GALNT1: variants seen among roughly 807,000 people sequenced by gnomAD.
The protein encoded by GALNT1 is GalNAc transferase 1.
Under a neutral mutation model 65.7 loss-of-function variants are expected in GALNT1, and 17 were observed. That is an observed-to-expected ratio of 0.26 (90% CI 0.18 to 0.39). The LOEUF (loss-of-function observed/expected upper bound fraction) is 0.39. Among genes scored for constraint, GALNT1 ranks in the 10% least tolerant of loss-of-function variants. The pLI is 1.00. For missense variants in GALNT1, 460 were observed against 672.8 expected (o/e 0.68, Z 3.50); for synonymous variants, 210 against 219.7 (o/e 0.96, Z 0.39).
intron 1 of GALNT1, among the ~76,000 whole-genome samples, chr18:35,585,452 T>C (rs542224858): frequency 7.2e-4 from 110 of 152,342 alleles, no homozygotes; most frequent in Middle Eastern, 3.4e-3. Context: ...ACAGTTTACA[T>C]TTATATCTGT....
intron 6 of GALNT1, among the ~76,000 whole-genome samples, chr18:35,688,060 T>C (rs774023121): frequency 6.6e-6 from 1 of 152,096 alleles, no homozygotes; most frequent in Non-Finnish European, 1.5e-5. Flanking sequence ...ACTATCTAAA[T>C]CAGGGGTTCC....
At chr18:35,628,552 C>A (rs958792776) in intron 1 of GALNT1, among the ~76,000 whole-genome samples, 68 of 152,278 alleles carry the variant, frequency 4.5e-4, no homozygotes, top group African/African-American at 1.5e-3. Context: ...ACAACCACAC[C>A]AGAACCCCAT....
intron 11 of GALNT1, among the ~76,000 whole-genome samples, chr18:35,707,018 A>G (rs1598814635): frequency 6.6e-6 from 1 of 152,192 alleles, no homozygotes; most frequent in African/African-American, 2.4e-5. Flanking sequence ...GAGCAGCCAG[A>G]TAGTATGACT....
intron 4 of GALNT1, among the ~76,000 whole-genome samples, chr18:35,678,018 AT>A (rs1286600703): frequency 6.6e-6 from 1 of 152,114 alleles, no homozygotes; most frequent in Non-Finnish European, 1.5e-5. Flanking sequence ...AACATAAACT[AT>A]TATGCAGGAC....
chr18:35,696,907 A>G (rs925386760), intron 9 of GALNT1, among the ~76,000 whole-genome samples: 6 of 152,254 alleles, frequency 3.9e-5, no homozygotes, highest in African/African-American at 1.4e-4. Context: ...TGGTTTAACA[A>G]AGCTCTTACA....
intron 4 of GALNT1, among the ~76,000 whole-genome samples, chr18:35,682,977 C>T (rs2144605880): frequency 6.8e-6 from 1 of 147,612 alleles, no homozygotes; most frequent in South Asian, 2.1e-4. Flanking sequence ...GTTTGTGCTT[C>T]TGAGGAAATT....
rs1369477978 is a variant in GALNT1 at position 35,710,487 on chromosome 18, C to G, written c.*717C>G. The G allele has an allele frequency of 6.6e-6, 1 of 151,894 alleles. No individual in the cohort carries two copies. The highest frequency in any genetic ancestry group is 2.1e-4 in the South Asian group (1 of 4,816). 9.4% of individuals were successfully genotyped at this position (151,894 alleles called of 1,614,324 possible). On this transcript the variant is annotated 3_prime_UTR_variant, in exon 12 of 12. Transcript: ENST00000269195. The stretch of plus-strand genomic sequence containing the variant: ...GAAATTGAGCTGAAAAAAAAAGGCT[C>G]TTTGAATATAGTTTTAATTTCTCTC...
At chr18:35,604,436 C>A (rs990552860) in intron 1 of GALNT1, among the ~76,000 whole-genome samples, 2 of 151,576 alleles carry the variant, frequency 1.3e-5, no homozygotes, top group African/African-American at 2.4e-5. Flanking sequence ...GAATACATAC[C>A]CAGTAATGGG....
At chr18:35,646,068 C>A (rs1033841821) in intron 1 of GALNT1, among the ~76,000 whole-genome samples, 1 of 152,120 alleles carries the variant, frequency 6.6e-6, no homozygotes, top group East Asian at 1.9e-4. Flanking sequence ...CACAGTTCCA[C>A]GGGCTTACCA....
intron 3 of GALNT1, among the ~76,000 whole-genome samples, chr18:35,669,587 T>C (rs928431677): frequency 6.6e-6 from 1 of 152,242 alleles, no homozygotes; most frequent in Non-Finnish European, 1.5e-5. Context: ...AGTTATGTGA[T>C]CATTTCATTA....
Position 35,696,539 on chromosome 18 carries a change from C to T in GALNT1, c.1299+4219C>T, listed in dbSNP as rs1219610432. 2.0e-5 allele frequency among the ~76,000 whole-genome samples: 3 copies of T among 152,196 alleles called. No homozygotes were observed. The East Asian group carries it at 5.8e-4, about 29-fold the overall frequency. The stretch of plus-strand genomic sequence containing the variant: ...AGTATTCTAAACAACAAAAAGTAAA[C>T]AATCTAGACCTTTACTGGTTTAGTC... On this transcript the variant is annotated intron_variant, in intron 9 of 11. Transcript: ENST00000269195.
intron 11 of GALNT1, among the ~76,000 whole-genome samples, chr18:35,705,298 A>G (rs1381708137): frequency 6.6e-6 from 1 of 151,996 alleles, no homozygotes; most frequent in Non-Finnish European, 1.5e-5. Context: ...CCTGAAATTA[A>G]CTCTGTCAAT....
chr18:35,581,515 G>A (rs867650419), upstream of GALNT1, among the ~76,000 whole-genome samples: 7,653 of 130,268 alleles, frequency 0.059, 238 homozygotes, highest in South Asian at 0.082. Flanking sequence ...GCGCAGGGAG[G>A]ACCGCGCCCG....
At chr18:35,586,359 G>T (rs1283882209) in intron 1 of GALNT1, among the ~76,000 whole-genome samples, 1 of 152,064 alleles carries the variant, frequency 6.6e-6, no homozygotes, top group Non-Finnish European at 1.5e-5. Context: ...CCTTTGTTGG[G>T]TATGTTGTTT....
chr18:35,653,444 G>T (rs1433079739), intron 1 of GALNT1, among the ~76,000 whole-genome samples: 1 of 152,170 alleles, frequency 6.6e-6, no homozygotes, highest in African/African-American at 2.4e-5. Flanking sequence ...GCATAAAGTT[G>T]CCCTTGTAAG....
At chr18:35,706,421 G>A (rs1409503417) in intron 11 of GALNT1, among the ~76,000 whole-genome samples, 1 of 152,062 alleles carries the variant, frequency 6.6e-6, no homozygotes, top group African/African-American at 2.4e-5. Context: ...AGAATGGCGT[G>A]AACCCAGGAG....
chr18:35,695,928 A>G (rs1052219824), intron 9 of GALNT1, among the ~76,000 whole-genome samples: 3 of 151,976 alleles, frequency 2.0e-5, no homozygotes, highest in African/African-American at 7.3e-5. Flanking sequence ...AGCTGACCCA[A>G]TTTTGGACAA....
chr18:35,653,844 ATTGTCAGAGCCAAG>A (rs1408965925), intron 1 of GALNT1, among the ~76,000 whole-genome samples: 1 of 152,242 alleles, frequency 6.6e-6, no homozygotes, highest in African/African-American at 2.4e-5. Context: ...GTATAAAATT[ATTGTCAGAGCCAAG>A]ACTAAATGTC....
intron 1 of GALNT1, among the ~76,000 whole-genome samples, chr18:35,643,175 T>TAA (rs927049318): frequency 1.3e-5 from 2 of 152,086 alleles, no homozygotes; most frequent in Admixed American, 1.3e-4. Context: ...ACATATGTAT[T>TAA]AATTGTAAAG....
Sources: allele counts gnomAD v4.1 joint callset (sites outside exome capture counted in the v4.1 genomes callset), GRCh38; gene constraint gnomAD v4.1.1; transcripts MANE v1.5; gene names NCBI Gene and HGNC (gene_info 2026-07-23, HGNC 2026-07-21).